The following BIRC6 variants were observed in gnomAD, a reference collection of about 807,000 sequenced individuals.
The protein encoded by BIRC6 is baculoviral IAP repeat containing 6.
BIRC6 carries 98 observed loss-of-function variants against 503.3 expected under a neutral mutation model. The ratio of observed to expected loss-of-function variants is 0.19; its 90% CI spans 0.17 to 0.23. The LOEUF (loss-of-function observed/expected upper bound fraction) is 0.23, where lower values mean the gene tolerates loss of function less well. Ranked by LOEUF, BIRC6 falls within the 10% of genes least tolerant of loss-of-function variation. The probability of loss-of-function intolerance (pLI) is 1.00; values close to 1 mark genes in which losing one functional copy is unlikely to be tolerated. For synonymous variants in BIRC6, 2,240 were observed against 2,078.7 expected (o/e 1.08, Z -2.11); for missense variants, 5,360 against 5,806.0 (o/e 0.92, Z 2.50).
intron 9 of BIRC6, among the ~76,000 whole-genome samples, chr2:32,411,128 T>C (rs2041827541): frequency 6.6e-6 from 1 of 152,024 alleles, no homozygotes; most frequent in Non-Finnish European, 1.5e-5. Flanking sequence ...AACCTCTGCC[T>C]CCCGGGTTCA....
rs1175268860 is a variant in BIRC6, at chr2:32,397,614, G to A, written c.1034+2021G>A. Among the ~76,000 whole-genome samples the A allele has an allele frequency of 1.8e-3, 235 of 134,120 alleles. 2 individuals are homozygous for A. The highest frequency in any genetic ancestry group is 0.017 in the South Asian group (71 of 4,234). 88.0% of individuals were successfully genotyped at this position (134,120 alleles called of 152,430 possible). Reference sequence around the variant, plus strand: ...TGTGTGTGTGTGTGTGTATATATGTGTGTATATATATATATGTATATATAT... The same window carrying A: ...TGTGTGTGTGTGTGTGTATATATGTATGTATATATATATATGTATATATAT... On this transcript the variant is annotated intron_variant, in intron 6 of 73. Coordinates refer to ENST00000421745, the MANE Select transcript of BIRC6 (RefSeq NM_016252.4).
At chr2:32,373,779 A>G (rs1204356995) in intron 1 of BIRC6, among the ~76,000 whole-genome samples, 2 of 152,226 alleles carry the variant, frequency 1.3e-5, no homozygotes, top group African/African-American at 4.8e-5. Flanking sequence ...TCAAGGAGAT[A>G]TTTGTACACC....
chr2:32,410,713 T>G (rs1355926503), intron 9 of BIRC6, among the ~76,000 whole-genome samples: 1 of 152,060 alleles, frequency 6.6e-6, no homozygotes, highest in Admixed American at 6.6e-5. Flanking sequence ...TCTTTTTTTT[T>G]TTTTTGAAAT....
chr2:32,442,737 C>A (rs1268767078), intron 19 of BIRC6, among the ~76,000 whole-genome samples: 1 of 152,094 alleles, frequency 6.6e-6, no homozygotes, highest in Non-Finnish European at 1.5e-5. Flanking sequence ...ACTCTTAAAC[C>A]CTTTTCACTC....
In BIRC6 at chr2:32,511,476, ATTTTTTT is replaced by A. The variant is rs1166383796; in HGVS notation, c.10346+863_10346+869del. 6.6e-4 allele frequency among the ~76,000 whole-genome samples: 53 copies of A among 80,156 alleles called. 1 individual carries two copies. Among genetic ancestry groups the A allele is most frequent in the East Asian group, 3.1e-3 (10 of 3,278 alleles). The allele number at this position is 80,156 out of a possible 152,430, so 52.6% of individuals were successfully genotyped here. ...AGGCGACCACCACTATAACTGACTA[ATTTTTTT>A]TTTTTTTTTTTTTTTTTTTTGTATT... On this transcript the variant is annotated intron_variant, in intron 53 of 73. Coordinates refer to ENST00000421745, the MANE Select transcript of BIRC6 (RefSeq NM_016252.4).
intron 22 of BIRC6, 25 bp from the exon 23 acceptor site, chr2:32,453,783 T>TA: frequency 6.2e-7 from 1 of 1,608,174 alleles, no homozygotes; most frequent in East Asian, 2.2e-5. Flanking sequence ...CTTCACGTGT[T>TA]ATAAAACTTG....
At chr2:32,596,527 G>A (rs921871685) in intron 68 of BIRC6, among the ~76,000 whole-genome samples, 1 of 151,224 alleles carries the variant, frequency 6.6e-6, no homozygotes, top group Non-Finnish European at 1.5e-5. Flanking sequence ...CATGGGTCAG[G>A]AATTCAGAAA....
chr2:32,483,554 C>T (rs576735703), intron 39 of BIRC6, among the ~76,000 whole-genome samples: 87 of 152,218 alleles, frequency 5.7e-4, no homozygotes, highest in African/African-American at 2.0e-3. Flanking sequence ...CAAATTATAG[C>T]GGTTGTCAAA....
chr2:32,617,125 CG>C (rs1300514985), intron 73 of BIRC6, among the ~76,000 whole-genome samples: 1 of 150,594 alleles, frequency 6.6e-6, no homozygotes, highest in Non-Finnish European at 1.5e-5. Flanking sequence ...GTATGTAGGC[CG>C]GGTGCATTGG....
At chr2:32,398,813 A>G (rs1257909373) in intron 6 of BIRC6, among the ~76,000 whole-genome samples, 1 of 152,158 alleles carries the variant, frequency 6.6e-6, no homozygotes, top group African/African-American at 2.4e-5. Context: ...AAGGTACGCT[A>G]GATTTAGCTG....
chr2:32,463,533 A>G (rs762019), intron 24 of BIRC6, among the ~76,000 whole-genome samples, 152 bp downstream of exon 24: 2 of 151,964 alleles, frequency 1.3e-5, no homozygotes, highest in African/African-American at 4.8e-5. Flanking sequence ...AGTCTTTGTG[A>G]TATTTAAATT....
chr2:32,368,129 T>G (rs916743061), intron 1 of BIRC6, among the ~76,000 whole-genome samples: 1 of 152,194 alleles, frequency 6.6e-6, no homozygotes, highest in African/African-American at 2.4e-5. Context: ...AATACCTCGC[T>G]TGGGCCCCAG....
At chr2:32,608,707 G>A (rs1559150581) in intron 72 of BIRC6, among the ~76,000 whole-genome samples, 1 of 151,564 alleles carries the variant, frequency 6.6e-6, no homozygotes, top group South Asian at 2.1e-4. Flanking sequence ...GTGAGCCACC[G>A]CCCCGGCCTA....
intron 3 of BIRC6, among the ~76,000 whole-genome samples, chr2:32,387,944 A>G (rs1163481169): frequency 2.0e-5 from 3 of 152,188 alleles, no homozygotes; most frequent in Non-Finnish European, 4.4e-5. Flanking sequence ...ATAATTGTAT[A>G]TATTTATGAG....
In BIRC6 at chr2:32,433,727, A is replaced by G. The variant is rs2044381943; in HGVS notation, c.3332A>G (p.Asn1111Ser). The G allele has an allele frequency of 5.6e-6, 9 of 1,604,512 alleles. No individual in the cohort carries two copies. Among genetic ancestry groups the G allele is most frequent in the Non-Finnish European group, 6.0e-6 (7 of 1,173,352 alleles). ...VGHVDFKFVL[N>S]SNITNIPQIQ... ...CATGTGGACTTCAAATTCGTTTTGA[A>G]CTCAAACATCACCAATATTCCACAG... Residue 1111 changes from asparagine (N) to serine (S), a missense_variant, in exon 13 of 74, where the codon AAC becomes AGC. Asn to Ser is a conservative substitution (Grantham distance 46). Transcript: ENST00000421745.
chr2:32,466,018 T>G (rs1294954925), intron 26 of BIRC6, among the ~76,000 whole-genome samples: 1 of 152,148 alleles, frequency 6.6e-6, no homozygotes, highest in Admixed American at 6.5e-5. Flanking sequence ...GTTTACACTG[T>G]AGTTTGTTTT....
chr2:32,533,284 G>A (rs1163577856), intron 61 of BIRC6, among the ~76,000 whole-genome samples: 1 of 152,214 alleles, frequency 6.6e-6, no homozygotes, highest in African/African-American at 2.4e-5. Context: ...CACTTCTGCT[G>A]TAATGAACTT....
chr2:32,430,856 A>G lies in BIRC6; in HGVS notation c.3023-9A>G, dbSNP rs2044026932. 1.3e-6 allele frequency: 2 copies of G among 1,508,260 alleles called. No homozygotes were observed. Among genetic ancestry groups the G allele is most frequent in the South Asian group, 1.1e-5 (1 of 88,128 alleles). The allele number at this position is 1,508,260 out of a possible 1,614,324, so 93.4% of individuals were successfully genotyped here. A position where few individuals can be genotyped will look rare whatever the true frequency, so the allele number is the denominator to read the frequency against. Reference sequence around the variant, plus strand: ...ACCTATTTCAAATACTGCTCTCACTAATGTTAAGGAGTTGATTTATTGGTG... The same window carrying G: ...ACCTATTTCAAATACTGCTCTCACTGATGTTAAGGAGTTGATTTATTGGTG... On this transcript the variant is annotated splice_polypyrimidine_tract_variant and intron_variant, in intron 11 of 73. Transcript: ENST00000421745.
intron 3 of BIRC6, among the ~76,000 whole-genome samples, chr2:32,388,496 T>C (rs2038798672): frequency 6.6e-6 from 1 of 152,204 alleles, no homozygotes; most frequent in Non-Finnish European, 1.5e-5. Flanking sequence ...CGTAAGCCAC[T>C]GCACCTGGCC....
Sources: allele counts gnomAD v4.1 joint callset (sites outside exome capture counted in the v4.1 genomes callset), GRCh38; gene constraint gnomAD v4.1.1; transcripts MANE v1.5; gene names NCBI Gene and HGNC (gene_info 2026-07-23, HGNC 2026-07-21).